The following ARF1 variants were observed in gnomAD, a reference collection of about 807,000 sequenced individuals.
ARF1 encodes ARF GTPase 1, also known as ADP-ribosylation factor 1.
A neutral mutation model predicts 18.0 loss-of-function variants in ARF1; 1 was observed. The ratio of observed to expected loss-of-function variants is 0.06; its 90% CI spans 0.02 to 0.26. The LOEUF is 0.26. ARF1 is among the 10% of genes least tolerant of loss of function. ARF1 has a pLI of 1.00. For missense variants in ARF1, 73 were observed against 247.2 expected, an observed-to-expected ratio of 0.30 and a Z score of 4.73; for synonymous variants, 112 against 96.3, an observed-to-expected ratio of 1.16 and a Z score of -0.95.
chr1:228,083,852 G>A (rs77084929), intron 1 of ARF1, among the ~76,000 whole-genome samples: 2 of 152,352 alleles, frequency 1.3e-5, no homozygotes, highest in African/African-American at 4.8e-5. Context: ...TGCTTTGCAG[G>A]AATTGAGCAG....
In ARF1 at chr1:228,098,087, T is replaced by C; in HGVS notation, c.*74T>C. ...TGTGGCAAACGTGCGGCTCGTGGTG[T>C]GAGTGCCAGAAGCTGCCTCCGTGGT... On this transcript the variant is annotated 3_prime_UTR_variant, in exon 5 of 5. Coordinates refer to ENST00000272102, the MANE Select transcript of ARF1 (RefSeq NM_001658.4). The C allele has an allele frequency of 6.6e-7, 1 of 1,525,160 alleles. No individual in the cohort carries two copies. The highest frequency in any genetic ancestry group is 1.4e-5 in the African/African-American group (1 of 72,884). The allele number at this position is 1,525,160 out of a possible 1,614,324, so 94.5% of individuals were successfully genotyped here.
At chr1:228,090,122 C>G (rs2032530762) in intron 1 of ARF1, among the ~76,000 whole-genome samples, 1 of 152,220 alleles carries the variant, frequency 6.6e-6, no homozygotes, top group Non-Finnish European at 1.5e-5. Flanking sequence ...TCGTCCTGCC[C>G]TCTTGGCTTG....
rs751420953 is a variant in ARF1 at position 228,097,498 on chromosome 1, AG to A, written c.259+53del. 40 of 1,612,586 alleles carry A rather than the reference AG, an allele frequency of 2.5e-5. No individual in the cohort carries two copies. Among genetic ancestry groups the A allele is most frequent in the Non-Finnish European group, 2.7e-5 (32 of 1,179,474 alleles). On this transcript the variant is annotated intron_variant, in intron 3 of 4. Transcript: ENST00000272102. This position sits in a 1 kb window ranked among gnomAD's most constrained non-coding sequence, Gnocchi z 8.1. ...CCCATGGGCACTCCTGCTTCTAGAG[AG>A]GGGGGGCCAGCCCATAGATGGGGCA...
At chr1:228,095,091 C>T (rs912084835) in intron 1 of ARF1, among the ~76,000 whole-genome samples, 1 of 152,144 alleles carries the variant, frequency 6.6e-6, no homozygotes, top group Non-Finnish European at 1.5e-5. Flanking sequence ...TTTGTTCTGC[C>T]TTCTGAGCAC....
At chr1:228,093,621 T>G (rs1227811505) in intron 1 of ARF1, among the ~76,000 whole-genome samples, 1 of 105,648 alleles carries the variant, frequency 9.5e-6, no homozygotes. Context: ...CGCTTTGGTC[T>G]GTTAAAAAAA....
At chr1:228,083,582 C>T (rs896620557) in intron 1 of ARF1, 2 of 152,288 alleles carry the variant, frequency 1.3e-5, no homozygotes, top group Admixed American at 6.5e-5. Flanking sequence ...GGGTGGTTTC[C>T]TTGACGTTGT....
chr1:228,083,835 C>G (rs1449539459), intron 1 of ARF1, among the ~76,000 whole-genome samples: 1 of 152,220 alleles, frequency 6.6e-6, no homozygotes, highest in African/African-American at 2.4e-5. Flanking sequence ...TCCAGGCAGC[C>G]AGTTGCTGCT....
At chr1:228,090,677 C>T (rs2032550999) in intron 1 of ARF1, 1 of 152,296 alleles carries the variant, frequency 6.6e-6, no homozygotes, top group African/African-American at 2.4e-5. Flanking sequence ...AGGCCCCAGG[C>T]TCTGCTGCCC....
intron 1 of ARF1, among the ~76,000 whole-genome samples, chr1:228,094,637 G>A (rs2032680965): frequency 6.6e-6 from 1 of 152,096 alleles, no homozygotes; most frequent in Non-Finnish European, 1.5e-5. Context: ...TGGCTAGGCT[G>A]CTGCTCTCTC....
Position 228,097,146 on chromosome 1 carries a change from G to A in ARF1, c.32G>A (p.Gly11Asp). MGNIFANLFKGLFGKKEMRIL... is the reference protein window; with the variant it reads MGNIFANLFKDLFGKKEMRIL... ...AACATCTTCGCCAACCTCTTCAAGG[G>A]CCTTTTTGGCAAAAAAGAAATGCGC... The change falls in exon 2 of 5, where the codon GGC becomes GAC. Residue 11 changes from glycine (G) to aspartate (D), a missense_variant. This residue lies in a region of ARF1 where 13 missense variants were observed against 17.2 expected (regional missense o/e 0.75). Transcript: ENST00000272102. This position sits in a 1 kb window ranked among gnomAD's most constrained non-coding sequence, Gnocchi z 8.1. 6.2e-7 allele frequency: 1 copy of A among 1,612,486 alleles called. No homozygotes were observed. Among genetic ancestry groups the A allele is most frequent in the Non-Finnish European group, 8.5e-7 (1 of 1,179,246 alleles).
rs774332380 is a variant in ARF1, at chr1:228,097,210, G to A, written c.96G>A (p.Thr32=). ...MVGLDAAGKT[T]ILYKLKLGEI... ...GCCTGGATGCTGCAGGGAAGACCACGATCCTCTACAAGCTTAAGCTGGGTG... is the reference window on the plus strand; with the variant it reads ...GCCTGGATGCTGCAGGGAAGACCACAATCCTCTACAAGCTTAAGCTGGGTG... The change falls in exon 2 of 5, where the codon ACG becomes ACA. Residue 32 remains threonine, a synonymous_variant. Transcript: ENST00000272102. This position sits in a 1 kb window ranked among gnomAD's most constrained non-coding sequence, Gnocchi z 8.1. The A allele has an allele frequency of 6.2e-7, 1 of 1,613,912 alleles. No individual in the cohort carries two copies. Among genetic ancestry groups the A allele is most frequent in the Non-Finnish European group, 8.5e-7 (1 of 1,179,898 alleles).
chr1:228,091,097 A>C (rs2032562974), intron 1 of ARF1: 1 of 152,256 alleles, frequency 6.6e-6, no homozygotes, highest in Admixed American at 6.5e-5. Flanking sequence ...TGTTTACATT[A>C]GCTAGTGGGC....
At chr1:228,094,894 T>G (rs1558086428) in intron 1 of ARF1, among the ~76,000 whole-genome samples, 1 of 152,198 alleles carries the variant, frequency 6.6e-6, no homozygotes, top group Non-Finnish European at 1.5e-5. Flanking sequence ...CTTGCACCTT[T>G]ATTGGGTCTC....
At position 228,097,798 on chromosome 1, in the gene ARF1, G is replaced by A. The variant is rs2032800412; in HGVS notation, c.385-54G>A. The A allele has an allele frequency of 2.4e-5, 38 of 1,588,848 alleles. No individual in the cohort carries two copies. The highest frequency in any genetic ancestry group is 3.3e-5 in the Non-Finnish European group (38 of 1,165,680). ...GTAGGGGTTACTGGAGGCTGGTGGG[G>A]CCCCTTTCTCTGTCCTGTGGACAGC... On this transcript the variant is annotated intron_variant, in intron 4 of 4. Transcript: ENST00000272102. The surrounding 1 kb of genome is among the most constrained non-coding windows in gnomAD (Gnocchi z 8.1).
At chr1:228,091,537 A>G (rs375109004) in intron 1 of ARF1, among the ~76,000 whole-genome samples, 6 of 152,134 alleles carry the variant, frequency 3.9e-5, no homozygotes, top group East Asian at 3.8e-4. Flanking sequence ...TTTTGTCTCA[A>G]TCTGCATGAT....
In ARF1 at chr1:228,097,527, G is replaced by C. The variant is rs2032792253; in HGVS notation, c.260-64G>C. ...GGGGCCAGCCCATAGATGGGGCATC[G>C]ATGCCCATAGATGCGGCAGGGGGGC... On this transcript the variant is annotated intron_variant, in intron 3 of 4. Transcript: ENST00000272102. The surrounding 1 kb of genome is among the most constrained non-coding windows in gnomAD (Gnocchi z 8.1). 29 of 1,613,764 alleles carry C rather than the reference G, an allele frequency of 1.8e-5. No homozygotes were observed. The highest frequency in any genetic ancestry group is 2.5e-5 in the Non-Finnish European group (29 of 1,179,884).
At chr1:228,090,769 G>T (rs761490601) in intron 1 of ARF1, 5 of 152,354 alleles carry the variant, frequency 3.3e-5, no homozygotes, top group African/African-American at 9.7e-5. Flanking sequence ...GGAAACAGGG[G>T]TTTTATTCTA....
chr1:228,096,955 C>T, intron 1 of ARF1, 123 bp from the exon 2 acceptor site: 1 of 885,762 alleles, frequency 1.1e-6, no homozygotes, highest in South Asian at 2.1e-5. Context: ...AGGGCTCTTT[C>T]CCTGTTTCCC....
rs2032818029 is a variant in ARF1, at chr1:228,098,211, C to T, written c.*198C>T. 3.4e-6 allele frequency: 2 copies of T among 588,212 alleles called. No individual in the cohort carries two copies. Among genetic ancestry groups the T allele is most frequent in the Non-Finnish European group, 5.6e-6 (2 of 358,092 alleles). The allele number at this position is 588,212 out of a possible 1,614,324, so 36.4% of individuals were successfully genotyped here. A position where few individuals can be genotyped will look rare whatever the true frequency, so the allele number is the denominator to read the frequency against. ...TAAATAGTTTTTGTTTCCAATGAGG[C>T]AGTTTCTGGTACTCCTATGCAATAT... On this transcript the variant is annotated 3_prime_UTR_variant, in exon 5 of 5. Coordinates refer to ENST00000272102, the MANE Select transcript of ARF1 (RefSeq NM_001658.4).
Sources: gnomAD v4.1 joint callset for allele counts (sites outside exome capture counted in the v4.1 genomes callset) on GRCh38, gnomAD v4.1.1 for gene constraint, gnomAD v4.1.1 regional missense constraint, Gnocchi (gnomAD v3.1) non-coding constraint, MANE v1.5 for transcripts, NCBI Gene and HGNC (gene_info 2026-07-23, HGNC 2026-07-21) for gene names.